The following DLGAP2 variants were observed in gnomAD, a reference collection of about 807,000 sequenced individuals.
DLGAP2 encodes DLG associated protein 2, also known as disks large-associated protein 2.
DLGAP2 carries 26 observed loss-of-function variants against 100.3 expected under a neutral mutation model. The observed-to-expected ratio is 0.26, with a 90% CI of 0.19 to 0.36. The LOEUF (loss-of-function observed/expected upper bound fraction) is 0.36, where lower values mean the gene tolerates loss of function less well. Among genes scored for constraint, DLGAP2 ranks in the 10% least tolerant of loss-of-function variants. DLGAP2 has a pLI of 1.00. For missense variants in DLGAP2, 1,858 were observed against 1,453.2 expected (o/e 1.28, Z -4.53); for synonymous variants, 886 against 630.1 (o/e 1.41, Z -6.08).
intron 2 of DLGAP2, among the ~76,000 whole-genome samples, chr8:1,054,251 T>C (rs1301403971): frequency 6.6e-6 from 1 of 151,660 alleles, no homozygotes; most frequent in African/African-American, 2.4e-5. Flanking sequence ...TACACACACG[T>C]ACACACACGC....
chr8:1,282,581 C>T (rs1270114059), intron 3 of DLGAP2, among the ~76,000 whole-genome samples: 2 of 124,494 alleles, frequency 1.6e-5, no homozygotes, highest in African/African-American at 6.1e-5. Flanking sequence ...CATGAACCAT[C>T]TGGACATGGT....
At chr8:1,524,248 C>G (rs1333298138) in intron 4 of DLGAP2, among the ~76,000 whole-genome samples, 2 of 152,142 alleles carry the variant, frequency 1.3e-5, no homozygotes, top group East Asian at 3.9e-4. Flanking sequence ...GGAAGGGACC[C>G]TGTTCCTTGC....
intron 3 of DLGAP2, among the ~76,000 whole-genome samples, chr8:1,343,078 A>T (rs919316430): frequency 1.3e-4 from 20 of 152,212 alleles, no homozygotes; most frequent in Admixed American, 1.0e-3. Context: ...GGAGACACAA[A>T]CACTGGCCAG....
Position 752,083 on chromosome 8 carries a change from C to T in DLGAP2, c.18+14258C>T, listed in dbSNP as rs76417083. ...GGCCCAGGTTCTTCCCTGGTGTTCACTCACCCAGTTTTCATCTCACTTGCC... is the reference window on the plus strand; with the variant it reads ...GGCCCAGGTTCTTCCCTGGTGTTCATTCACCCAGTTTTCATCTCACTTGCC... On this transcript the variant is annotated intron_variant, in intron 1 of 14. Transcript: ENST00000637795. Among the ~76,000 whole-genome samples, 1,238 of 152,312 alleles carry T rather than the reference C, an allele frequency of 8.1e-3. 21 individuals carry two copies. Among genetic ancestry groups the T allele is most frequent in the African/African-American group, 0.028 (1,170 of 41,562 alleles).
At chr8:1,426,270 CGAG>C (rs1367319843) in intron 3 of DLGAP2, among the ~76,000 whole-genome samples, 6 of 152,146 alleles carry the variant, frequency 3.9e-5, no homozygotes, top group African/African-American at 1.4e-4. Flanking sequence ...CTATGAAAAA[CGAG>C]GAGACTAAGG....
intron 2 of DLGAP2, among the ~76,000 whole-genome samples, chr8:919,804 C>G (rs757945797): frequency 6.6e-6 from 1 of 152,240 alleles, no homozygotes; most frequent in African/African-American, 2.4e-5. Flanking sequence ...TGGCTGTGCT[C>G]TCTGTGGTGT....
At chr8:890,219 G>A (rs1798006920) in intron 1 of DLGAP2, among the ~76,000 whole-genome samples, 1 of 152,136 alleles carries the variant, frequency 6.6e-6, no homozygotes, top group African/African-American at 2.4e-5. Context: ...ATCATCCTTG[G>A]GCGTTTAGTT....
chr8:1,314,175 C>T (rs1313732067), intron 3 of DLGAP2, among the ~76,000 whole-genome samples: 2 of 152,158 alleles, frequency 1.3e-5, no homozygotes, highest in Non-Finnish European at 2.9e-5. Context: ...ATGAGAAACA[C>T]ACGTTTATTT....
intron 3 of DLGAP2, among the ~76,000 whole-genome samples, chr8:1,294,388 G>A (rs1466084889): frequency 6.6e-6 from 1 of 152,162 alleles, no homozygotes; most frequent in East Asian, 1.9e-4. Flanking sequence ...GACTGGTGAG[G>A]TTGTTTTGGT....
intron 3 of DLGAP2, chr8:1,368,772 C>G (rs892776111): frequency 6.6e-6 from 1 of 152,242 alleles, no homozygotes; most frequent in African/African-American, 2.4e-5. Flanking sequence ...ACAGCCGCAG[C>G]AGCCCGTGCT....
At chr8:1,697,071 T>C in intron 13 of DLGAP2, 76 bp from the exon 14 acceptor site, 1 of 1,395,280 alleles carries the variant, frequency 7.2e-7, no homozygotes, top group Non-Finnish European at 9.4e-7. Context: ...AAGGCATGCG[T>C]GGGGAGGAGT....
intron 2 of DLGAP2, among the ~76,000 whole-genome samples, chr8:1,202,329 G>A (rs1337977113): frequency 6.6e-6 from 1 of 151,732 alleles, no homozygotes; most frequent in Admixed American, 6.6e-5. Context: ...CTGGGGGTGA[G>A]GCCTGGGCCA....
intron 2 of DLGAP2, among the ~76,000 whole-genome samples, chr8:1,178,611 C>A (rs568881665): frequency 6.6e-6 from 1 of 152,268 alleles, no homozygotes; most frequent in Non-Finnish European, 1.5e-5. Context: ...TTAGCTCCTA[C>A]TTAATTTTGC....
chr8:1,606,017 C>T (rs1295528081), intron 6 of DLGAP2, among the ~76,000 whole-genome samples: 1 of 152,172 alleles, frequency 6.6e-6, no homozygotes, highest in Non-Finnish European at 1.5e-5. Flanking sequence ...TCATAACCAG[C>T]ACCAAATCAG....
chr8:1,172,252 A>T (rs368682854), intron 2 of DLGAP2, among the ~76,000 whole-genome samples: 3 of 152,154 alleles, frequency 2.0e-5, no homozygotes, highest in Admixed American at 6.5e-5. Flanking sequence ...CCTAGAGATC[A>T]GCTGTTAGTC....
At chr8:1,493,918 C>G (rs1799466406) in intron 3 of DLGAP2, among the ~76,000 whole-genome samples, 1 of 152,202 alleles carries the variant, frequency 6.6e-6, no homozygotes, top group Admixed American at 6.5e-5. Flanking sequence ...CGAAAAAGGC[C>G]TGTACTATAA....
chr8:984,718 G>T (rs1196202773), intron 2 of DLGAP2, among the ~76,000 whole-genome samples: 6 of 152,218 alleles, frequency 3.9e-5, no homozygotes, highest in African/African-American at 1.2e-4. Context: ...TAGATGTACA[G>T]CTACCCTTAT....
intron 2 of DLGAP2, among the ~76,000 whole-genome samples, chr8:914,231 A>G (rs997861301): frequency 7.2e-5 from 11 of 152,100 alleles, no homozygotes; most frequent in Admixed American, 6.5e-4. Flanking sequence ...GGAGGGAGGA[A>G]GCGAAGGCAG....
At chr8:1,007,570 C>G (rs1157856866) in intron 2 of DLGAP2, among the ~76,000 whole-genome samples, 1 of 150,584 alleles carries the variant, frequency 6.6e-6, no homozygotes, top group East Asian at 2.0e-4. Context: ...GTCTGGCATG[C>G]TCCCTTTAAG....
Sources: allele counts gnomAD v4.1 joint callset (sites outside exome capture counted in the v4.1 genomes callset), GRCh38; gene constraint gnomAD v4.1.1; transcripts MANE v1.5; gene names NCBI Gene and HGNC (gene_info 2026-07-23, HGNC 2026-07-21).